The following ALPK2 variants were observed in gnomAD, a reference collection of about 807,000 sequenced individuals.
ALPK2 encodes the protein alpha kinase 2, also known as alpha-protein kinase 2.
In ALPK2, 127 loss-of-function variants were observed where a neutral mutation model predicts 163.1. The observed-to-expected ratio is 0.78, with a 90% CI of 0.67 to 0.90. ALPK2 has a LOEUF of 0.90. Among genes scored for constraint, ALPK2 ranks in the 40% least tolerant of loss-of-function variants. The probability of loss-of-function intolerance (pLI) is 0.00; values close to 1 mark genes in which losing one functional copy is unlikely to be tolerated. For synonymous variants in ALPK2, 953 were observed against 959.1 expected, an observed-to-expected ratio of 0.99 and a Z score of 0.12; for missense variants, 2,360 against 2,589.6, an observed-to-expected ratio of 0.91 and a Z score of 1.92.
chr18:58,608,828 T>C (rs554332753), intron 2 of ALPK2, among the ~76,000 whole-genome samples: 9 of 152,030 alleles, frequency 5.9e-5, no homozygotes, highest in Non-Finnish European at 1.3e-4. Flanking sequence ...GGTGTACACC[T>C]GTAGTCTCAG....
rs2051895963 is a variant in ALPK2, at chr18:58,573,234, G to GTGTATATGTGTATATA, written c.1962+5579_1962+5580insTATATACACATATACA. 2.6e-5 allele frequency among the ~76,000 whole-genome samples: 3 copies of GTGTATATGTGTATATA among 116,506 alleles called. 1 individual carries two copies. Among genetic ancestry groups the GTGTATATGTGTATATA allele is most frequent in the East Asian group, 2.0e-4 (1 of 5,006 alleles). The allele number at this position is 116,506 out of a possible 152,430, so 76.4% of individuals were successfully genotyped here. A position where few individuals can be genotyped will look rare whatever the true frequency, so the allele number is the denominator to read the frequency against. ...TATATGTATATATATGTGTATATGT[G>GTGTATATGTGTATATA]TGTATATATGTGTATATATGTATAT... On this transcript the variant is annotated intron_variant, in intron 4 of 12. Transcript: ENST00000361673.
At chr18:58,506,053 T>A (rs1195953362) in intron 10 of ALPK2, among the ~76,000 whole-genome samples, 1 of 152,120 alleles carries the variant, frequency 6.6e-6, no homozygotes, top group Non-Finnish European at 1.5e-5. Flanking sequence ...TTAAATACCG[T>A]TCAGATGCCG....
chr18:58,562,243 T>A (rs888178790), intron 4 of ALPK2, among the ~76,000 whole-genome samples: 5 of 152,238 alleles, frequency 3.3e-5, no homozygotes, highest in African/African-American at 1.2e-4. Flanking sequence ...ACAGTTATGA[T>A]TTTGTGGATG....
Position 58,536,098 on chromosome 18 carries a change from A to G in ALPK2, c.4089T>C (p.Thr1363=), listed in dbSNP as rs1182574466. 6.2e-7 allele frequency: 1 copy of G among 1,614,054 alleles called. No homozygotes were observed. The highest frequency in any genetic ancestry group is 2.2e-5 in the East Asian group (1 of 44,866). ...VTDSLSAASE[T]GGKENVNNVS... ...CATTGTTAACATTTTCCTTCCCTCC[A>G]GTTTCAGAAGCCGCTGACAGTGAAT... The change falls in exon 5 of 13, where the codon ACT becomes ACC. Residue 1363 remains threonine, a synonymous_variant. Transcript: ENST00000361673.
intron 4 of ALPK2, chr18:58,538,551 G>GT (rs2051670825): frequency 3.7e-6 from 1 of 273,044 alleles, no homozygotes; most frequent in Non-Finnish European, 6.9e-6. Flanking sequence ...TTTTGATCAA[G>GT]TAAGTCACAA....
intron 4 of ALPK2, chr18:58,543,375 G>A (rs2051701280): frequency 1.0e-6 from 1 of 985,334 alleles, no homozygotes; most frequent in Non-Finnish European, 1.2e-6. Context: ...CCAGACCTCA[G>A]GCGGCTATGT....
rs574327318 is a variant in ALPK2, at chr18:58,581,358, C to T, written c.228-810G>A. The stretch of plus-strand genomic sequence containing the variant: ...ACGTATATGAAGGACAGTGCTGTTT[C>T]CTTTTTAATTGAATGTGACTAAAAG... On this transcript the variant is annotated intron_variant, in intron 3 of 12. Transcript: ENST00000361673. 3.9e-5 allele frequency among the ~76,000 whole-genome samples: 6 copies of T among 152,292 alleles called. No homozygotes were observed. In the South Asian group the frequency reaches 1.2e-3, roughly 32 times the overall value.
intron 12 of ALPK2, among the ~76,000 whole-genome samples, chr18:58,482,378 C>G (rs2051316177): frequency 6.6e-6 from 1 of 152,100 alleles, no homozygotes; most frequent in South Asian, 2.1e-4. Context: ...TGATAAAACA[C>G]AGATCTCTTA....
chr18:58,585,020 C>T (rs981223903), intron 3 of ALPK2, among the ~76,000 whole-genome samples: 5 of 152,188 alleles, frequency 3.3e-5, no homozygotes, highest in Non-Finnish European at 7.3e-5. Context: ...CATTCCTCTC[C>T]CCTGCTGTGA....
At chr18:58,612,298 A>G (rs1602240113) in intron 1 of ALPK2, among the ~76,000 whole-genome samples, 1 of 152,190 alleles carries the variant, frequency 6.6e-6, no homozygotes, top group Non-Finnish European at 1.5e-5. Context: ...ACTGTGCTCA[A>G]AAAAGTGTGC....
chr18:58,535,447 A>C lies in ALPK2; in HGVS notation c.4740T>G (p.Tyr1580Ter). The change falls in exon 5 of 13, where the codon TAT (tyrosine) becomes TAG (stop). Residue 1580 changes from tyrosine to a stop codon, truncating the protein, a stop_gained. Transcript: ENST00000361673. LOFTEE classifies it high-confidence loss of function. ...CCCTTTTCTGTGAAACAGGAAACAC[A>C]TACTGACGCTTTCTGGGCTCAACTA... is the stretch of plus-strand genomic sequence containing the variant. ...NDIVEPRKRQ[Y>*]VFPVSQKRGT... is the part of the protein sequence containing the mutation. The C allele has an allele frequency of 6.2e-7, 1 of 1,614,204 alleles. No homozygotes were observed. Among genetic ancestry groups the C allele is most frequent in the Non-Finnish European group, 8.5e-7 (1 of 1,180,022 alleles).
At chr18:58,486,436 A>G (rs2051339323) in intron 12 of ALPK2, among the ~76,000 whole-genome samples, 1 of 152,100 alleles carries the variant, frequency 6.6e-6, no homozygotes, top group Non-Finnish European at 1.5e-5. Context: ...TATGCGCCCC[A>G]TCTTCTCTGC....
At chr18:58,496,461 T>G (rs564364677) in intron 12 of ALPK2, among the ~76,000 whole-genome samples, 1 of 152,348 alleles carries the variant, frequency 6.6e-6, no homozygotes, top group Admixed American at 6.5e-5. Context: ...ATTCTGGTTC[T>G]AAAACCCAAC....
intron 5 of ALPK2, among the ~76,000 whole-genome samples, chr18:58,534,186 T>G (rs2051630896): frequency 6.6e-6 from 1 of 151,770 alleles, no homozygotes; most frequent in Admixed American, 6.6e-5. Context: ...TAGGTAGAGG[T>G]TGATCAAGGA....
Position 58,498,048 on chromosome 18 carries a change from C to T in ALPK2, c.6296+1G>A, listed in dbSNP as rs2051410034. 2.5e-6 allele frequency: 4 copies of T among 1,613,996 alleles called. No homozygotes were observed. The highest frequency in any genetic ancestry group is 3.4e-6 in the Non-Finnish European group (4 of 1,179,902). ...TGCACACTCCATTTTTTCCTACTCACCCTTTAGCCAGCGTTGCTATGCCAA... is the reference window on the plus strand; with the variant it reads ...TGCACACTCCATTTTTTCCTACTCATCCTTTAGCCAGCGTTGCTATGCCAA... On this transcript the variant is annotated splice_donor_variant, in intron 12 of 12. Transcript: ENST00000361673. LOFTEE classifies it high-confidence loss of function.
chr18:58,517,230 C>G, intron 8 of ALPK2, 48 bp from the exon 9 acceptor site: 9 of 1,576,326 alleles, frequency 5.7e-6, no homozygotes, highest in Non-Finnish European at 7.8e-6. Context: ...CCCAGTCCTG[C>G]TCCTTGGCTA....
At chr18:58,613,060 G>T (rs898030449) in intron 1 of ALPK2, among the ~76,000 whole-genome samples, 1 of 152,166 alleles carries the variant, frequency 6.6e-6, no homozygotes, top group African/African-American at 2.4e-5. Context: ...TTGCCAAAGG[G>T]ACACCCCTTT....
intron 3 of ALPK2, among the ~76,000 whole-genome samples, chr18:58,603,902 T>A (rs74759513): frequency 0.016 from 2,487 of 152,256 alleles, 61 homozygotes; most frequent in African/African-American, 0.057. Flanking sequence ...TGGCTTTCCA[T>A]TTCTCTTCCC....
At chr18:58,543,476 CAA>C in intron 4 of ALPK2, 1 of 846,046 alleles carries the variant, frequency 1.2e-6, no homozygotes. Context: ...CTCTGGGTTC[CAA>C]AGAGAGAGGG....
Sources: allele counts gnomAD v4.1 joint callset (sites outside exome capture counted in the v4.1 genomes callset), GRCh38; gene constraint gnomAD v4.1.1; transcripts MANE v1.5; gene names NCBI Gene and HGNC (gene_info 2026-07-23, HGNC 2026-07-21).